The following DYNC2H1 variants were observed in gnomAD, a reference collection of about 807,000 sequenced individuals.
DYNC2H1 encodes the protein cytoplasmic dynein 2 heavy chain 1.
A neutral mutation model predicts 570.0 loss-of-function variants in DYNC2H1; 410 were observed. The ratio of observed to expected loss-of-function variants is 0.72; its 90% CI spans 0.66 to 0.78. The LOEUF (loss-of-function observed/expected upper bound fraction) is 0.78. DYNC2H1 is among the 30% of genes least tolerant of loss of function. The pLI, the probability that DYNC2H1 is intolerant of heterozygous loss-of-function variation, is 0.00. For synonymous variants in DYNC2H1, 1,688 were observed against 1,677.6 expected, an observed-to-expected ratio of 1.01 and a Z score of -0.15; for missense variants, 4,865 against 5,046.4, an observed-to-expected ratio of 0.96 and a Z score of 1.09.
Position 103,209,443 on chromosome 11 carries a change from T to G in DYNC2H1, c.8455-433T>G, listed in dbSNP as rs540952784. Among the ~76,000 whole-genome samples the G allele has an allele frequency of 6.6e-5, 10 of 152,162 alleles. No homozygotes were observed. The South Asian group carries it at 2.1e-3, about 32-fold the overall frequency. The stretch of plus-strand genomic sequence containing the variant: ...GAATGATCAGTTATGAAATTATTGA[T>G]TATAAAATTATTTTTATTTAATTTT... On this transcript the variant is annotated intron_variant, in intron 52 of 88. Transcript: ENST00000375735. The surrounding 1 kb of genome is among the most constrained non-coding windows in gnomAD (Gnocchi z 4.2).
intron 84 of DYNC2H1, among the ~76,000 whole-genome samples, chr11:103,428,993 G>T (rs953851478): frequency 5.3e-5 from 8 of 152,072 alleles, no homozygotes; most frequent in African/African-American, 1.9e-4. Flanking sequence ...GGGCGCAGTG[G>T]CTCACGCCTG....
At position 103,427,113 on chromosome 11, in the gene DYNC2H1, T is replaced by C. The variant is rs543892988; in HGVS notation, c.12367-8830T>C. Reference sequence around the variant, plus strand: ...ACTCTTGATGTATGTTTGGTTAAAATTTTTGAGAAAATATTAATAGAAATT... The same window carrying C: ...ACTCTTGATGTATGTTTGGTTAAAACTTTTGAGAAAATATTAATAGAAATT... On this transcript the variant is annotated intron_variant, in intron 84 of 88. Transcript: ENST00000375735. Among the ~76,000 whole-genome samples, 4 of 152,206 alleles carry C rather than the reference T, an allele frequency of 2.6e-5. No individual in the cohort carries two copies. The South Asian group carries it at 8.3e-4, about 32-fold the overall frequency.
intron 1 of DYNC2H1, among the ~76,000 whole-genome samples, chr11:103,110,286 G>C (rs1858049794): frequency 6.6e-6 from 1 of 152,036 alleles, no homozygotes; most frequent in Admixed American, 6.5e-5. Flanking sequence ...TGCTGGGATT[G>C]CAAGCATGAG....
Position 103,192,253 on chromosome 11 carries a change from A to T in DYNC2H1, c.7697A>T (p.Asp2566Val). The T allele has an allele frequency of 6.4e-7, 1 of 1,551,130 alleles. No individual in the cohort carries two copies. Among genetic ancestry groups the T allele is most frequent in the South Asian group, 1.3e-5 (1 of 78,218 alleles). The change falls in exon 47 of 89, where the codon GAC becomes GTC. Residue 2566 changes from aspartate to valine, a missense_variant. By Grantham distance (152) the Asp-to-Val change is radical. Coordinates refer to ENST00000375735, the MANE Select transcript of DYNC2H1 (RefSeq NM_001377.3). The part of the protein sequence containing the change: ...FQGDWGSDIL[D>V]NMSDSFYVTW... ...GGAGATTGGGGCTCAGACATATTAGACAATATGTCAGGTAAGGTAATAGAG... is the reference window on the plus strand; with the variant it reads ...GGAGATTGGGGCTCAGACATATTAGTCAATATGTCAGGTAAGGTAATAGAG...
At chr11:103,183,723 A>C (rs865932601) in intron 40 of DYNC2H1, among the ~76,000 whole-genome samples, 15 of 151,798 alleles carry the variant, frequency 9.9e-5, no homozygotes, top group African/African-American at 3.6e-4. Flanking sequence ...CATTTCCTTT[A>C]TCTCACCTTT....
At chr11:103,431,747 T>C (rs1565594274) in intron 84 of DYNC2H1, among the ~76,000 whole-genome samples, 5 of 152,136 alleles carry the variant, frequency 3.3e-5, no homozygotes, top group African/African-American at 1.2e-4. Flanking sequence ...GTGGAAGTGT[T>C]TTCCCTGCAA....
chr11:103,282,972 C>T (rs1366078910), intron 72 of DYNC2H1, 36 bp from the exon 73 acceptor site: 5 of 1,490,306 alleles, frequency 3.4e-6, no homozygotes, highest in Non-Finnish European at 3.7e-6. Context: ...TGAATTTTAC[C>T]AAGTATACTA....
At chr11:103,223,984 G>A (rs1466895861) in intron 59 of DYNC2H1, among the ~76,000 whole-genome samples, 1 of 151,834 alleles carries the variant, frequency 6.6e-6, no homozygotes, top group African/African-American at 2.4e-5. Context: ...CTGACCTAGT[G>A]ATCCGCCCAC....
chr11:103,252,861 C>G lies in DYNC2H1; in HGVS notation c.10043-424C>G, dbSNP rs1183425698. ...TCATGTGATAATCTGTTTTTTTAAC[C>G]ATCATTCTGTTTTCAAATACTGTAT... On this transcript the variant is annotated intron_variant, in intron 65 of 88. Transcript: ENST00000375735. This position sits in a 1 kb window ranked among gnomAD's most constrained non-coding sequence, Gnocchi z 4.6. Among the ~76,000 whole-genome samples the G allele has an allele frequency of 6.6e-6, 1 of 151,776 alleles. No individual in the cohort carries two copies. The highest frequency in any genetic ancestry group is 2.4e-5 in the African/African-American group (1 of 41,306).
chr11:103,463,874 A>G (rs183252284), intron 87 of DYNC2H1, among the ~76,000 whole-genome samples: 1 of 152,218 alleles, frequency 6.6e-6, no homozygotes, highest in Admixed American at 6.5e-5. Context: ...TTAGATGCTG[A>G]ATCTCACTAC....
At chr11:103,155,598 A>G in intron 25 of DYNC2H1, 97 bp downstream of exon 25, 9 of 1,215,938 alleles carry the variant, frequency 7.4e-6, no homozygotes, top group Non-Finnish European at 9.9e-6. Flanking sequence ...GTCTTCCTTT[A>G]AGGGAATCAG....
chr11:103,177,957 A>C lies in DYNC2H1; in HGVS notation c.6139+137A>C. 1 of 1,038,518 alleles carries C rather than the reference A, an allele frequency of 9.6e-7. No homozygotes were observed. The highest frequency in any genetic ancestry group is 1.3e-6 in the Non-Finnish European group (1 of 760,388). 64.3% of individuals were successfully genotyped at this position (1,038,518 alleles called of 1,614,324 possible). On this transcript the variant is annotated intron_variant, in intron 38 of 88. Coordinates refer to ENST00000375735, the MANE Select transcript of DYNC2H1 (RefSeq NM_001377.3). The surrounding 1 kb of genome is among the most constrained non-coding windows in gnomAD (Gnocchi z 4.4). ...TAAGTTAAAATGATGTACATTTGAT[A>C]TTTTACTTTGGAGGGGGCCAAGACA...
chr11:103,471,539 T>C (rs987892853), intron 88 of DYNC2H1, among the ~76,000 whole-genome samples: 6 of 152,212 alleles, frequency 3.9e-5, no homozygotes, highest in African/African-American at 1.4e-4. Context: ...GGATTAAATA[T>C]GTTTGTGTGT....
Position 103,165,936 on chromosome 11 carries a change from T to C in DYNC2H1, c.4650T>C (p.Asp1550=). 1 of 1,512,310 alleles carries C rather than the reference T, an allele frequency of 6.6e-7. No individual in the cohort carries two copies. The highest frequency in any genetic ancestry group is 8.8e-7 in the Non-Finnish European group (1 of 1,130,528). 93.7% of individuals were successfully genotyped at this position (1,512,310 alleles called of 1,614,324 possible). The change falls in exon 31 of 89, where the codon GAT becomes GAC. Residue 1550 remains aspartate, a synonymous_variant. Coordinates refer to ENST00000375735, the MANE Select transcript of DYNC2H1 (RefSeq NM_001377.3). ...CGGAGCAGATTAAATTCACTGAAGATGTAGAAAATGCTATTAAAGATCATA... is the reference window on the plus strand; with the variant it reads ...CGGAGCAGATTAAATTCACTGAAGACGTAGAAAATGCTATTAAAGATCATA... ...CLAEQIKFTE[D]VENAIKDHSL...
chr11:103,372,230 G>A (rs1941193697), intron 83 of DYNC2H1, among the ~76,000 whole-genome samples: 1 of 151,666 alleles, frequency 6.6e-6, no homozygotes, highest in African/African-American at 2.4e-5. Flanking sequence ...TGTTGTCTAG[G>A]CTGGTCTCGA....
rs191426183 is a variant in DYNC2H1 at position 103,136,374 on chromosome 11, C to A, written c.2574+426C>A. ...ATATCTCCTAATACTATCCCTCCCC[C>A]CTCCCGCCACCCGACAACAGTCCCC... On this transcript the variant is annotated intron_variant, in intron 17 of 88. Transcript: ENST00000375735. Among the ~76,000 whole-genome samples, 15 of 150,830 alleles carry A rather than the reference C, an allele frequency of 9.9e-5. No homozygotes were observed. The South Asian group carries it at 1.3e-3, about 13-fold the overall frequency.
chr11:103,211,129 TA>T (rs1348098056), intron 53 of DYNC2H1, among the ~76,000 whole-genome samples: 1 of 151,988 alleles, frequency 6.6e-6, no homozygotes, highest in African/African-American at 2.4e-5. Flanking sequence ...ACTTGGTGGA[TA>T]TTAGGAGGTA....
At chr11:103,130,374 AGT>A (rs1163031081) in intron 13 of DYNC2H1, among the ~76,000 whole-genome samples, 4 of 152,202 alleles carry the variant, frequency 2.6e-5, no homozygotes, top group Admixed American at 2.6e-4. Context: ...GAAGGATGGT[AGT>A]CAGACCTGCT....
At chr11:103,352,613 A>G (rs957773606) in intron 82 of DYNC2H1, among the ~76,000 whole-genome samples, 3 of 152,144 alleles carry the variant, frequency 2.0e-5, no homozygotes, top group Non-Finnish European at 2.9e-5. Context: ...ATTTGCTAAG[A>G]CTAGCTTTAT....
Sources: gnomAD v4.1 joint callset for allele counts (sites outside exome capture counted in the v4.1 genomes callset) on GRCh38, gnomAD v4.1.1 for gene constraint, Gnocchi (gnomAD v3.1) non-coding constraint, MANE v1.5 for transcripts, NCBI Gene and HGNC (gene_info 2026-07-23, HGNC 2026-07-21) for gene names.